VEPH1: variants seen among roughly 807,000 people sequenced by gnomAD.
VEPH1 encodes ventricular zone expressed PH domain containing 1.
A neutral mutation model predicts 85.2 loss-of-function variants in VEPH1; 80 were observed. That is an observed-to-expected ratio of 0.94 (90% CI 0.78 to 1.13). VEPH1 has a LOEUF of 1.13. VEPH1 is among the 50% of genes most tolerant of loss of function. VEPH1 has a pLI of 0.00. For missense variants in VEPH1, 955 were observed against 980.5 expected, an observed-to-expected ratio of 0.97 and a Z score of 0.35; for synonymous variants, 297 against 348.0, an observed-to-expected ratio of 0.85 and a Z score of 1.63.
Position 157,277,318 on chromosome 3 carries a change from A to C in VEPH1, c.2128+9239T>G, listed in dbSNP as rs544571367. ...ATTACTGATGGGATCTGGCCATAGG[A>C]CTTTAGTTTTAAATGTTGAGCACTT... On this transcript the variant is annotated intron_variant, in intron 12 of 13. Coordinates refer to ENST00000362010, the MANE Select transcript of VEPH1 (RefSeq NM_001167912.2). Among the ~76,000 whole-genome samples, 108 of 152,272 alleles carry C rather than the reference A, an allele frequency of 7.1e-4. 1 individual carries two copies. Among genetic ancestry groups the C allele is most frequent in the Non-Finnish European group, 1.2e-3 (83 of 68,022 alleles).
At chr3:157,485,147 T>C (rs1309472441) in intron 2 of VEPH1, among the ~76,000 whole-genome samples, 1 of 152,206 alleles carries the variant, frequency 6.6e-6, no homozygotes, top group Non-Finnish European at 1.5e-5. Context: ...ATGATGCTAT[T>C]CTGCATGCCT....
rs530162542 is a variant in VEPH1 at position 157,312,097 on chromosome 3, G to A, written c.2010+1524C>T. On this transcript the variant is annotated intron_variant, in intron 11 of 13. Transcript: ENST00000362010. ...AGTTTCACAAGAGACCAGTTCTGGA[G>A]TACTTAATTTGCTACTCATTTGTAT... 9.2e-5 allele frequency among the ~76,000 whole-genome samples: 14 copies of A among 152,232 alleles called. No individual in the cohort carries two copies. The South Asian group carries it at 2.9e-3, about 32-fold the overall frequency.
intron 6 of VEPH1, among the ~76,000 whole-genome samples, chr3:157,394,469 G>A (rs1730179156): frequency 6.6e-6 from 1 of 152,188 alleles, no homozygotes; most frequent in Non-Finnish European, 1.5e-5. Context: ...TCTCATAGAG[G>A]AGTCATGTGT....
intron 9 of VEPH1, among the ~76,000 whole-genome samples, chr3:157,337,833 G>A (rs1723113478): frequency 6.6e-6 from 1 of 152,116 alleles, no homozygotes; most frequent in African/African-American, 2.4e-5. Context: ...AAAGATTTTA[G>A]GTGATAGCCT....
rs565059221 is a variant in VEPH1 at position 157,439,522 on chromosome 3, G to A, written c.530-11034C>T. On this transcript the variant is annotated intron_variant, in intron 4 of 13. Coordinates refer to ENST00000362010, the MANE Select transcript of VEPH1 (RefSeq NM_001167912.2). Reference sequence around the variant, plus strand: ...AGAGAGTTTCTGACATTTTAAAGAGGTATTAAGAGCCTCGTTTTTGGGTAT... The same window carrying A: ...AGAGAGTTTCTGACATTTTAAAGAGATATTAAGAGCCTCGTTTTTGGGTAT... Among the ~76,000 whole-genome samples, 172 of 152,220 alleles carry A rather than the reference G, an allele frequency of 1.1e-3. 6 individuals are homozygous for A. The South Asian group carries it at 0.033, about 29-fold the overall frequency.
At chr3:157,353,905 G>T (rs541627111) in intron 9 of VEPH1, among the ~76,000 whole-genome samples, 23 of 152,246 alleles carry the variant, frequency 1.5e-4, no homozygotes, top group African/African-American at 5.5e-4. Context: ...AAATTTTGTA[G>T]AATGAATGGA....
At chr3:157,261,459 A>C in intron 13 of VEPH1, 89 bp from the exon 14 acceptor site, 1 of 1,539,182 alleles carries the variant, frequency 6.5e-7, no homozygotes, top group Non-Finnish European at 8.7e-7. Context: ...AGAGGGCCAG[A>C]ATCCTTTCAC....
intron 12 of VEPH1, among the ~76,000 whole-genome samples, chr3:157,282,753 G>A (rs1038522342): frequency 1.3e-5 from 2 of 152,202 alleles, no homozygotes; most frequent in Non-Finnish European, 2.9e-5. Context: ...AACATACACT[G>A]TGCAATTCCA....
intron 4 of VEPH1, among the ~76,000 whole-genome samples, chr3:157,444,580 C>G (rs906847442): frequency 6.6e-6 from 1 of 152,144 alleles, no homozygotes; most frequent in African/African-American, 2.4e-5. Context: ...AAGTCCCTGT[C>G]TAGCCATTGT....
Position 157,428,342 on chromosome 3 carries a change from C to T in VEPH1, c.676G>A (p.Ala226Thr), listed in dbSNP as rs541796202. The change falls in exon 5 of 14, where the codon GCA (alanine) becomes ACA (threonine). Residue 226 changes from alanine to threonine, a missense_variant. Physicochemically the swap from Ala to Thr is moderately conservative, Grantham distance 58. Coordinates refer to ENST00000362010, the MANE Select transcript of VEPH1 (RefSeq NM_001167912.2). ...YHLLRLLHVA[A>T]KKKQLEVVQK... Reference sequence around the variant, plus strand: ...TTTACCTCGAGTTGTTTTTTCTTTGCTGCTACATGCAAAAGCCGTAGTAGA... The same window carrying T: ...TTTACCTCGAGTTGTTTTTTCTTTGTTGCTACATGCAAAAGCCGTAGTAGA... 8.1e-6 allele frequency: 13 copies of T among 1,611,600 alleles called. No individual in the cohort carries two copies. In the South Asian group the frequency reaches 1.3e-4, roughly 16 times the overall value.
intron 10 of VEPH1, chr3:157,316,279 C>T (rs1284270169): frequency 6.6e-6 from 1 of 151,774 alleles, no homozygotes; most frequent in East Asian, 1.9e-4. Flanking sequence ...CGTGTTATAA[C>T]ATTTGCATTT....
chr3:157,268,129 G>C (rs566606445), intron 12 of VEPH1, among the ~76,000 whole-genome samples: 2 of 152,332 alleles, frequency 1.3e-5, no homozygotes, highest in African/African-American at 2.4e-5. Flanking sequence ...CTTAAAGCTA[G>C]TAATGATCTT....
chr3:157,315,532 G>T (rs773728249), intron 10 of VEPH1, among the ~76,000 whole-genome samples: 2 of 151,912 alleles, frequency 1.3e-5, no homozygotes, highest in Non-Finnish European at 2.9e-5. Context: ...AAAGAATTTG[G>T]CCCAATGCAC....
chr3:157,262,536 G>C (rs1445618219), intron 13 of VEPH1, among the ~76,000 whole-genome samples: 1 of 149,206 alleles, frequency 6.7e-6, no homozygotes, highest in Non-Finnish European at 1.5e-5. Flanking sequence ...ACAGAAACAT[G>C]ATTTAAAAAA....
At chr3:157,426,572 C>T (rs1049199245) in intron 5 of VEPH1, among the ~76,000 whole-genome samples, 13 of 152,134 alleles carry the variant, frequency 8.5e-5, no homozygotes, top group African/African-American at 9.7e-5. Context: ...TACTGATAAT[C>T]GTAAACATCC....
At chr3:157,473,067 CTTT>C (rs200991031) in intron 2 of VEPH1, among the ~76,000 whole-genome samples, 26 of 82,678 alleles carry the variant, frequency 3.1e-4, no homozygotes, top group African/African-American at 1.5e-3. Context: ...TTAAATGAAC[CTTT>C]TTTTTTTTTT....
intron 9 of VEPH1, among the ~76,000 whole-genome samples, chr3:157,318,500 TG>T (rs1720992245): frequency 6.6e-6 from 1 of 151,810 alleles, no homozygotes; most frequent in African/African-American, 2.4e-5. Context: ...CCCAGCTACT[TG>T]GGGGGCAGAG....
chr3:157,331,151 G>A (rs1722457516), intron 9 of VEPH1, among the ~76,000 whole-genome samples: 1 of 152,182 alleles, frequency 6.6e-6, no homozygotes, highest in Non-Finnish European at 1.5e-5. Context: ...ATAGGATGCT[G>A]GGGCTCATCT....
intron 5 of VEPH1, among the ~76,000 whole-genome samples, chr3:157,427,655 A>T (rs961811130): frequency 1.3e-5 from 2 of 151,878 alleles, no homozygotes; most frequent in African/African-American, 4.8e-5. Context: ...GAGTTTCACC[A>T]TGTTGTCCAG....
Sources: gnomAD v4.1 joint callset for allele counts (sites outside exome capture counted in the v4.1 genomes callset) on GRCh38, gnomAD v4.1.1 for gene constraint, MANE v1.5 for transcripts, NCBI Gene and HGNC (gene_info 2026-07-23, HGNC 2026-07-21) for gene names.